SPTB: variants seen among roughly 807,000 people sequenced by gnomAD.
The protein encoded by SPTB is spectrin beta chain, erythrocytic.
SPTB carries 45 observed loss-of-function variants against 256.2 expected under a neutral mutation model. The observed-to-expected ratio is 0.18, with a 90% CI of 0.14 to 0.23. The LOEUF is 0.23. SPTB is among the 10% of genes least tolerant of loss of function. The pLI, the probability that SPTB is intolerant of heterozygous loss-of-function variation, is 1.00. For synonymous variants in SPTB, 1,231 were observed against 1,243.1 expected, an observed-to-expected ratio of 0.99 and a Z score of 0.21; for missense variants, 2,715 against 3,040.4, an observed-to-expected ratio of 0.89 and a Z score of 2.52.
intron 1 of SPTB, among the ~76,000 whole-genome samples, chr14:64,876,808 C>A (rs925764742): frequency 2.1e-4 from 32 of 152,128 alleles, no homozygotes; most frequent in African/African-American, 7.7e-4. Flanking sequence ...CTCATAATCT[C>A]CTCCAAAGGA....
chr14:64,795,756 A>T lies in SPTB; in HGVS notation c.1342-117T>A. On this transcript the variant is annotated intron_variant, in intron 11 of 35. Transcript: ENST00000644917. The surrounding 1 kb of genome is among the most constrained non-coding windows in gnomAD (Gnocchi z 6.5). ...TGCTAGATGGGAAAGCACATTCCCA[A>T]GAAGCAGCTAGTTCTGCCTTACTTT... is the stretch of plus-strand genomic sequence containing the variant. 9.4e-7 allele frequency: 1 copy of T among 1,065,360 alleles called. No individual in the cohort carries two copies. Among genetic ancestry groups the T allele is most frequent in the Non-Finnish European group, 1.4e-6 (1 of 711,816 alleles). 66.0% of individuals were successfully genotyped at this position (1,065,360 alleles called of 1,614,324 possible).
intron 24 of SPTB, 123 bp from the exon 25 acceptor site, chr14:64,773,547 G>C (rs1456235345): frequency 1.0e-5 from 11 of 1,055,292 alleles, no homozygotes; most frequent in Non-Finnish European, 1.5e-5. Flanking sequence ...GTGAAGCTCT[G>C]GAGAAATGAC....
intron 31 of SPTB, among the ~76,000 whole-genome samples, 195 bp downstream of exon 31, chr14:64,767,108 C>A (rs1004911030): frequency 2.6e-5 from 4 of 152,330 alleles, no homozygotes; most frequent in African/African-American, 9.6e-5. Context: ...CCGCACCAGG[C>A]CTTCAGCCCG....
At chr14:64,831,066 C>A (rs1488690814) in intron 1 of SPTB, among the ~76,000 whole-genome samples, 1 of 152,158 alleles carries the variant, frequency 6.6e-6, no homozygotes, top group Non-Finnish European at 1.5e-5. Flanking sequence ...TTCTTTTCCC[C>A]CTCAAGTGGA....
intron 2 of SPTB, among the ~76,000 whole-genome samples, chr14:64,815,263 AGGGGC>A (rs2083168550): frequency 1.3e-5 from 2 of 150,750 alleles, no homozygotes; most frequent in African/African-American, 2.5e-5. Flanking sequence ...AAAAATGGGA[AGGGGC>A]ATCTCCCATG....
intron 10 of SPTB, among the ~76,000 whole-genome samples, chr14:64,797,216 T>C (rs2082787440): frequency 6.6e-6 from 1 of 152,120 alleles, no homozygotes; most frequent in African/African-American, 2.4e-5. Flanking sequence ...CTCACACGTG[T>C]AATCTCAGCA....
At chr14:64,753,828 G>C in intron 32 of SPTB, 35 bp from the exon 33 acceptor site, 1 of 1,608,528 alleles carries the variant, frequency 6.2e-7, no homozygotes, top group Non-Finnish European at 8.5e-7. Flanking sequence ...CACCTTTCTG[G>C]GTACTCTGGC....
At chr14:64,781,181 A>C (rs1282968830) in intron 20 of SPTB, among the ~76,000 whole-genome samples, 1 of 152,248 alleles carries the variant, frequency 6.6e-6, no homozygotes, top group Non-Finnish European at 1.5e-5. Flanking sequence ...TTTCATGACA[A>C]AGACACTAAA....
At chr14:64,831,226 T>C (rs1392821788) in intron 1 of SPTB, among the ~76,000 whole-genome samples, 1 of 152,190 alleles carries the variant, frequency 6.6e-6, no homozygotes, top group Non-Finnish European at 1.5e-5. Context: ...ATCTTTGCAT[T>C]CCTTCCTGCT....
chr14:64,825,589 G>A lies in SPTB; in HGVS notation c.-51-2444C>T, dbSNP rs2083367311. ...TCCAGCAGCCCCTGAGAAGGGCTGAGCTGCCAGACGCAGGAGGTGAGGTGA... is the reference window on the plus strand; with the variant it reads ...TCCAGCAGCCCCTGAGAAGGGCTGAACTGCCAGACGCAGGAGGTGAGGTGA... On this transcript the variant is annotated intron_variant, in intron 1 of 35. Coordinates refer to ENST00000644917, the MANE Select transcript of SPTB (RefSeq NM_001355436.2). This position sits in a 1 kb window ranked among gnomAD's most constrained non-coding sequence, Gnocchi z 4.8. Among the ~76,000 whole-genome samples, 1 of 152,234 alleles carries A rather than the reference G, an allele frequency of 6.6e-6. No homozygotes were observed. Among genetic ancestry groups the A allele is most frequent in the South Asian group, 2.1e-4 (1 of 4,834 alleles).
chr14:64,859,716 C>A (rs1425774482), intron 1 of SPTB, among the ~76,000 whole-genome samples: 8 of 124,868 alleles, frequency 6.4e-5, no homozygotes, highest in East Asian at 4.6e-4. Flanking sequence ...CTCTCTCTCT[C>A]TCTCTATATA....
chr14:64,801,602 A>C, intron 6 of SPTB, 152 bp downstream of exon 6: 1 of 933,124 alleles, frequency 1.1e-6, no homozygotes, highest in Non-Finnish European at 1.8e-6. Flanking sequence ...GCTGGGATTT[A>C]AGGAAAGTGA....
chr14:64,804,664 A>G (rs977146682), intron 3 of SPTB, among the ~76,000 whole-genome samples: 30 of 152,186 alleles, frequency 2.0e-4, no homozygotes, highest in African/African-American at 6.8e-4. Context: ...ATCACAGGCC[A>G]GCTACAGATG....
chr14:64,798,840 G>C (rs893910849), intron 9 of SPTB, among the ~76,000 whole-genome samples: 5 of 152,212 alleles, frequency 3.3e-5, no homozygotes, highest in Non-Finnish European at 5.9e-5. Flanking sequence ...GGGAGATGGG[G>C]GGAAGAGCAG....
Position 64,786,918 on chromosome 14 carries a change from C to T in SPTB, c.3047G>A (p.Arg1016His), listed in dbSNP as rs769384891. The change falls in exon 16 of 36, where the codon CGT (arginine) becomes CAT (histidine). Residue 1016 changes from arginine (R) to histidine (H), a missense_variant. Transcript: ENST00000644917. This position sits in a 1 kb window ranked among gnomAD's most constrained non-coding sequence, Gnocchi z 5.6. ...AIQARVDALERESQQLMDSHP... is the reference protein window; with the variant it reads ...AIQARVDALEHESQQLMDSHP... ...CGAGTCCATCAGCTGCTGGGACTCA[C>T]GCTCCAGGGCATCCACACGGGCCTG... 1.1e-5 allele frequency: 18 copies of T among 1,613,246 alleles called. No homozygotes were observed. Among genetic ancestry groups the T allele is most frequent in the African/African-American group, 2.7e-5 (2 of 75,064 alleles).
chr14:64,768,648 C>T (rs1294800795), intron 29 of SPTB, among the ~76,000 whole-genome samples: 3 of 152,002 alleles, frequency 2.0e-5, no homozygotes, highest in Admixed American at 6.5e-5. Context: ...ACCCCAACCC[C>T]TCTCCCAGAC....
At chr14:64,813,681 C>G (rs1315228680) in intron 2 of SPTB, among the ~76,000 whole-genome samples, 1 of 152,196 alleles carries the variant, frequency 6.6e-6, no homozygotes, top group Non-Finnish European at 1.5e-5. Flanking sequence ...CGCCACCACG[C>G]CCAGCTAAAT....
chr14:64,815,495 G>A (rs962791246), intron 2 of SPTB, among the ~76,000 whole-genome samples: 1 of 152,168 alleles, frequency 6.6e-6, no homozygotes, highest in African/African-American at 2.4e-5. Flanking sequence ...TGGGTGAAGG[G>A]TCATGGAGAT....
At position 64,790,376 on chromosome 14, in the gene SPTB, C is replaced by T. The variant is rs570902969; in HGVS notation, c.2804+1343G>A. Among the ~76,000 whole-genome samples the T allele has an allele frequency of 9.2e-5, 14 of 152,286 alleles. No individual in the cohort carries two copies. Among genetic ancestry groups the T allele is most frequent in the African/African-American group, 3.4e-4 (14 of 41,552 alleles). The stretch of plus-strand genomic sequence containing the variant: ...GAAGTTTCTCTGGTTTAGACCTGCT[C>T]TAGTTTCCTCAATTATGCAGCAATT... On this transcript the variant is annotated intron_variant, in intron 15 of 35. Coordinates refer to ENST00000644917, the MANE Select transcript of SPTB (RefSeq NM_001355436.2). This position sits in a 1 kb window ranked among gnomAD's most constrained non-coding sequence, Gnocchi z 4.8.
Sources: gnomAD v4.1 joint callset for allele counts (sites outside exome capture counted in the v4.1 genomes callset) on GRCh38, gnomAD v4.1.1 for gene constraint, Gnocchi (gnomAD v3.1) non-coding constraint, MANE v1.5 for transcripts, NCBI Gene and HGNC (gene_info 2026-07-23, HGNC 2026-07-21) for gene names.